Variants in SLC16A7 observed in about 807,000 individuals in gnomAD.
SLC16A7 encodes monocarboxylate transporter 2.
SLC16A7 carries 33 observed loss-of-function variants against 34.9 expected under a neutral mutation model. The ratio of observed to expected loss-of-function variants is 0.94; its 90% CI spans 0.72 to 1.26. The LOEUF (loss-of-function observed/expected upper bound fraction) is 1.26. SLC16A7 is among the 50% of genes most tolerant of loss of function. SLC16A7 has a pLI of 0.00. For synonymous variants in SLC16A7, 201 were observed against 206.6 expected (o/e 0.97, Z 0.23); for missense variants, 573 against 578.1 (o/e 0.99, Z 0.09).
In SLC16A7 at chr12:59,775,303, C is replaced by T; in HGVS notation, c.1008C>T (p.Asp336=). The change falls in exon 5 of 6, where the codon GAC becomes GAT. Residue 336 remains aspartate, a synonymous_variant. Transcript: ENST00000547379. The part of the protein sequence containing the change: ...VCHLLCPLAQ[D]YTSLVLYAVF... ...ACCTCTTGTGCCCACTGGCACAGGA[C>T]TACACAAGCCTGGTATTATATGCTG... is the stretch of plus-strand genomic sequence containing the variant. 1 of 1,614,132 alleles carries T rather than the reference C, an allele frequency of 6.2e-7. No individual in the cohort carries two copies. Among genetic ancestry groups the T allele is most frequent in the South Asian group, 1.1e-5 (1 of 91,084 alleles).
chr12:59,684,312 A>AT (rs766130870), intron 2 of SLC16A7, among the ~76,000 whole-genome samples: 2 of 152,374 alleles, frequency 1.3e-5, no homozygotes, highest in Non-Finnish European at 2.9e-5. Flanking sequence ...ATTAAAAATC[A>AT]TAAGTAAATG....
intron 3 of SLC16A7, among the ~76,000 whole-genome samples, chr12:59,705,751 A>G (rs1420017399): frequency 1.3e-5 from 2 of 152,204 alleles, no homozygotes; most frequent in East Asian, 1.9e-4. Flanking sequence ...AATTTTTTGA[A>G]AGTCATTACT....
intron 1 of SLC16A7, among the ~76,000 whole-genome samples, chr12:59,608,201 A>G (rs577072099): frequency 2.6e-5 from 4 of 152,224 alleles, no homozygotes; most frequent in Admixed American, 2.6e-4. Context: ...GCCTCTTAAT[A>G]TTCAGTCATT....
chr12:59,615,870 G>A (rs1469028967), intron 1 of SLC16A7, among the ~76,000 whole-genome samples: 1 of 152,170 alleles, frequency 6.6e-6, no homozygotes, highest in East Asian at 1.9e-4. Context: ...AGAGTCTGCT[G>A]GAACCTGTTT....
chr12:59,705,545 T>G (rs1054286382), intron 3 of SLC16A7, among the ~76,000 whole-genome samples: 4 of 152,188 alleles, frequency 2.6e-5, no homozygotes, highest in African/African-American at 9.6e-5. Flanking sequence ...ATAGGACATC[T>G]TTTTAACTTA....
intron 1 of SLC16A7, among the ~76,000 whole-genome samples, chr12:59,650,778 A>G (rs1461717690): frequency 6.6e-6 from 1 of 152,164 alleles, no homozygotes; most frequent in Non-Finnish European, 1.5e-5. Flanking sequence ...TGGATTTCAG[A>G]GCTCAGAAGC....
intron 2 of SLC16A7, among the ~76,000 whole-genome samples, chr12:59,693,746 C>T (rs931933732): frequency 1.3e-5 from 2 of 151,642 alleles, no homozygotes; most frequent in East Asian, 1.9e-4. Flanking sequence ...AATGGACATG[C>T]GCAAGAACTG....
chr12:59,598,258 T>C lies in SLC16A7; in HGVS notation c.-130+2022T>C, dbSNP rs145470667. 1.6e-3 allele frequency among the ~76,000 whole-genome samples: 238 copies of C among 152,358 alleles called. No individual in the cohort carries two copies. In the Middle Eastern group the frequency reaches 0.017, roughly 11 times the overall value. On this transcript the variant is annotated intron_variant, in intron 1 of 5. Transcript: ENST00000547379. ...TTTAACAATCTGGGCTTTACCTTTT[T>C]CTTGTCTATAAAATGAGATTGGTGG...
chr12:59,763,999 CT>C (rs1458191022), intron 3 of SLC16A7: 1 of 152,094 alleles, frequency 6.6e-6, no homozygotes, highest in Non-Finnish European at 1.5e-5. Flanking sequence ...AATTAGGCCA[CT>C]TAATAAACCT....
chr12:59,769,444 C>T (rs1641345891), intron 3 of SLC16A7: 1 of 152,102 alleles, frequency 6.6e-6, no homozygotes, highest in Admixed American at 6.6e-5. Flanking sequence ...TCTTTTTATA[C>T]AACTTGTACA....
At chr12:59,679,836 G>C (rs1275765756) in intron 2 of SLC16A7, among the ~76,000 whole-genome samples, 5 of 152,122 alleles carry the variant, frequency 3.3e-5, no homozygotes, top group African/African-American at 1.2e-4. Flanking sequence ...GGCAAAATTA[G>C]AATTAAGAAA....
At chr12:59,693,482 C>A (rs533534416) in intron 2 of SLC16A7, among the ~76,000 whole-genome samples, 10 of 151,790 alleles carry the variant, frequency 6.6e-5, no homozygotes, top group African/African-American at 2.4e-4. Flanking sequence ...TTTAATCAAC[C>A]CGTATTGATT....
At chr12:59,718,857 T>A (rs1875230790) in intron 3 of SLC16A7, among the ~76,000 whole-genome samples, 2 of 152,278 alleles carry the variant, frequency 1.3e-5, no homozygotes, top group South Asian at 4.1e-4. Context: ...GATTCATCTT[T>A]CTGTTACTCT....
At chr12:59,735,050 C>G (rs1351494108) in intron 3 of SLC16A7, among the ~76,000 whole-genome samples, 7 of 152,040 alleles carry the variant, frequency 4.6e-5, no homozygotes, top group African/African-American at 1.4e-4. Context: ...TTGAAATTGT[C>G]TTTTATAGCT....
intron 3 of SLC16A7, among the ~76,000 whole-genome samples, chr12:59,717,728 C>G (rs1344455817): frequency 6.6e-6 from 1 of 152,108 alleles, no homozygotes; most frequent in Admixed American, 6.5e-5. Context: ...CCTATAAACA[C>G]TCCAAAATAC....
chr12:59,749,341 C>A (rs897383483), intron 3 of SLC16A7, among the ~76,000 whole-genome samples: 4 of 152,178 alleles, frequency 2.6e-5, no homozygotes, highest in Admixed American at 6.5e-5. Flanking sequence ...GTATTGGTTT[C>A]ATTGATGCTT....
intron 3 of SLC16A7, among the ~76,000 whole-genome samples, chr12:59,716,380 A>G (rs1874904285): frequency 6.6e-6 from 1 of 152,224 alleles, no homozygotes. Context: ...TTCTTCTTAT[A>G]TGATGAGTAA....
intron 3 of SLC16A7, among the ~76,000 whole-genome samples, chr12:59,770,402 A>G (rs972295067): frequency 6.6e-6 from 1 of 152,214 alleles, no homozygotes; most frequent in African/African-American, 2.4e-5. Flanking sequence ...GCTACACCCA[A>G]TCTTTAAGTT....
At chr12:59,721,501 A>G (rs938276468) in intron 3 of SLC16A7, among the ~76,000 whole-genome samples, 1 of 152,086 alleles carries the variant, frequency 6.6e-6, no homozygotes, top group South Asian at 2.1e-4. Flanking sequence ...GCTTATAACC[A>G]TGATATTCTA....
Sources: gnomAD v4.1 joint callset for allele counts (sites outside exome capture counted in the v4.1 genomes callset) on GRCh38, gnomAD v4.1.1 for gene constraint, MANE v1.5 for transcripts, NCBI Gene and HGNC (gene_info 2026-07-23, HGNC 2026-07-21) for gene names.